The following NAA20 variants were observed in gnomAD, a reference collection of about 807,000 sequenced individuals.
NAA20 encodes N-alpha-acetyltransferase 20.
Under a neutral mutation model 23.8 loss-of-function variants are expected in NAA20, and 24 were observed. That is an observed-to-expected ratio of 1.01 (90% CI 0.73 to 1.42). The LOEUF is 1.42. NAA20 is among the 40% of genes most tolerant of loss of function. NAA20 has a pLI of 0.00. For missense variants in NAA20, 166 were observed against 223.1 expected (o/e 0.74, Z 1.63); for synonymous variants, 83 against 77.7 (o/e 1.07, Z -0.36).
At chr20:20,021,995 A>G (rs2043271573) in intron 1 of NAA20, among the ~76,000 whole-genome samples, 1 of 152,120 alleles carries the variant, frequency 6.6e-6, no homozygotes, top group Non-Finnish European at 1.5e-5. Context: ...GTGGGGAGCA[A>G]AAACCGAGTG....
intron 1 of NAA20, chr20:20,017,872 G>C: frequency 6.3e-7 from 1 of 1,577,660 alleles, no homozygotes; most frequent in Non-Finnish European, 8.6e-7. Flanking sequence ...CTGGGCAGAG[G>C]GCACCGCCGA....
At chr20:20,022,555 A>C in intron 2 of NAA20, 75 bp downstream of exon 2, 1 of 1,307,002 alleles carries the variant, frequency 7.7e-7, no homozygotes, top group Admixed American at 2.4e-5. Context: ...TGAAAGGAAA[A>C]CAGAGGAGTA....
rs11087300 is a variant in NAA20 at position 20,021,038 on chromosome 20, CGGGGG to C, written c.54-1408_54-1404del. Among the ~76,000 whole-genome samples the C allele has an allele frequency of 2.1e-3, 122 of 58,914 alleles. 4 individuals are homozygous for C. The highest frequency in any genetic ancestry group is 9.6e-4 in the Admixed American group (5 of 5,212). The allele number at this position is 58,914 out of a possible 152,430, so 38.6% of individuals were successfully genotyped here. On this transcript the variant is annotated intron_variant, in intron 1 of 5. Coordinates refer to ENST00000334982, the MANE Select transcript of NAA20 (RefSeq NM_016100.5). ...TGCCTGTGTGCGTGGGTTCGGTGGG[CGGGGG>C]GGGGGGGGGACTTTGGCAAAGACTT... is the stretch of plus-strand genomic sequence containing the variant.
At chr20:20,027,129 C>T (rs532711154) in intron 4 of NAA20, among the ~76,000 whole-genome samples, 3 of 151,464 alleles carry the variant, frequency 2.0e-5, no homozygotes, top group South Asian at 2.1e-4. Context: ...TGTAGTGACC[C>T]GCTATAGGCC....
Position 20,033,529 on chromosome 20 carries a change from T to C in NAA20, c.*342T>C, listed in dbSNP as rs2043364228. 5.3e-6 allele frequency: 1 copy of C among 188,194 alleles called. No individual in the cohort carries two copies. The highest frequency in any genetic ancestry group is 2.3e-5 in the African/African-American group (1 of 42,778). 11.7% of individuals were successfully genotyped at this position (188,194 alleles called of 1,614,324 possible). A position where few individuals can be genotyped will look rare whatever the true frequency, so the allele number is the denominator to read the frequency against. On this transcript the variant is annotated 3_prime_UTR_variant, in exon 6 of 6. Coordinates refer to ENST00000334982, the MANE Select transcript of NAA20 (RefSeq NM_016100.5). ...TGTGCCTGAGAACCACTGCTGCATA[T>C]ATTTGTTTTTAAATTTTGTATTGAA...
At chr20:20,017,669 C>A in intron 1 of NAA20, 2 of 1,395,006 alleles carry the variant, frequency 1.4e-6, no homozygotes, top group Non-Finnish European at 1.9e-6. Context: ...GCGACCTTGG[C>A]CGAGGTGCTC....
Position 20,033,293 on chromosome 20 carries a change from T to G in NAA20, c.*106T>G. On this transcript the variant is annotated 3_prime_UTR_variant, in exon 6 of 6. Coordinates refer to ENST00000334982, the MANE Select transcript of NAA20 (RefSeq NM_016100.5). The stretch of plus-strand genomic sequence containing the variant: ...TTAGGAGAAAAGTAATCATTTTAGG[T>G]CTTAAAGACTTCAAGAAAATACAGG... 1 of 861,522 alleles carries G rather than the reference T, an allele frequency of 1.2e-6. No homozygotes were observed. The highest frequency in any genetic ancestry group is 1.8e-6 in the Non-Finnish European group (1 of 552,964). The allele number at this position is 861,522 out of a possible 1,614,324, so 53.4% of individuals were successfully genotyped here.
rs74629012 is a variant in NAA20, at chr20:20,032,277, G to T, written c.306-231G>T. On this transcript the variant is annotated intron_variant, in intron 4 of 5. Coordinates refer to ENST00000334982, the MANE Select transcript of NAA20 (RefSeq NM_016100.5). ...TCTTTTAAGAAAACGTGTTGCTTTT[G>T]AAATACTAGCATGCAAACATAAAGT... Among the ~76,000 whole-genome samples, 3,410 of 151,408 alleles carry T rather than the reference G, an allele frequency of 0.023. 216 individuals carry two copies. Among genetic ancestry groups the T allele is most frequent in the African/African-American group, 0.078 (3,188 of 41,030 alleles).
At chr20:20,024,375 G>A (rs552793392) in intron 2 of NAA20, among the ~76,000 whole-genome samples, 32 of 152,154 alleles carry the variant, frequency 2.1e-4, no homozygotes, top group Non-Finnish European at 4.3e-4. Context: ...CTATACAGCA[G>A]TAAAAATTAA....
intron 4 of NAA20, among the ~76,000 whole-genome samples, chr20:20,028,331 C>T (rs998346206): frequency 6.6e-6 from 1 of 151,926 alleles, no homozygotes; most frequent in African/African-American, 2.4e-5. Context: ...CACACCAGGG[C>T]CTGTCGGGGG....
At position 20,018,302 on chromosome 20, in the gene NAA20, C is replaced by T. The variant is rs532302776; in HGVS notation, c.53+853C>T. ...CCATGTGCTTTTATAGACACTTTTCCTGGATTCTGCAGTTAACATTTTGCT... is the reference window on the plus strand; with the variant it reads ...CCATGTGCTTTTATAGACACTTTTCTTGGATTCTGCAGTTAACATTTTGCT... On this transcript the variant is annotated intron_variant, in intron 1 of 5. Coordinates refer to ENST00000334982, the MANE Select transcript of NAA20 (RefSeq NM_016100.5). 4 of 552,054 alleles carry T rather than the reference C, an allele frequency of 7.2e-6. No homozygotes were observed. The South Asian group carries it at 8.9e-5, about 12-fold the overall frequency. The allele number at this position is 552,054 out of a possible 1,614,324, so 34.2% of individuals were successfully genotyped here.
chr20:20,017,469 G>A lies in NAA20; in HGVS notation c.53+20G>A, dbSNP rs1234913250. ...CAACATGTGAGTGACACGCGCCTAG[G>A]GCCAGCCGCTCTTGGCCGGGCCTCG... On this transcript the variant is annotated intron_variant, in intron 1 of 5. Coordinates refer to ENST00000334982, the MANE Select transcript of NAA20 (RefSeq NM_016100.5). The A allele has an allele frequency of 6.2e-7, 1 of 1,600,696 alleles. No homozygotes were observed. The highest frequency in any genetic ancestry group is 1.4e-5 in the African/African-American group (1 of 73,370).
rs946761972 is a variant in NAA20, at chr20:20,029,530, T to C, written c.305+2611T>C. Among the ~76,000 whole-genome samples, 6 of 151,302 alleles carry C rather than the reference T, an allele frequency of 4.0e-5. No homozygotes were observed. In the South Asian group the frequency reaches 8.4e-4, roughly 21 times the overall value. On this transcript the variant is annotated intron_variant, in intron 4 of 5. Coordinates refer to ENST00000334982, the MANE Select transcript of NAA20 (RefSeq NM_016100.5). ...TACTCGGGAGGCTGAGGCAGGAGAA[T>C]TGCTTGAACCTGGGAGGCGAAGATT... is the stretch of plus-strand genomic sequence containing the variant.
intron 3 of NAA20, among the ~76,000 whole-genome samples, chr20:20,026,375 C>T (rs551217016): frequency 2.6e-5 from 4 of 152,096 alleles, no homozygotes; most frequent in African/African-American, 9.6e-5. Flanking sequence ...GTACATAATG[C>T]AGGCATCATA....
At chr20:20,022,348 A>C in intron 1 of NAA20, 108 bp from the exon 2 acceptor site, 2 of 1,136,316 alleles carry the variant, frequency 1.8e-6, no homozygotes, top group Non-Finnish European at 2.5e-6. Context: ...TTGTTGATGA[A>C]ACATGTTTTG....
intron 2 of NAA20, 197 bp downstream of exon 2, chr20:20,022,677 A>T (rs75247627): frequency 2.0e-6 from 1 of 500,700 alleles, no homozygotes; most frequent in East Asian, 3.5e-5. Flanking sequence ...ACAAACTGTT[A>T]ATATCATGAC....
intron 3 of NAA20, among the ~76,000 whole-genome samples, chr20:20,026,304 CAA>C (rs931325286): frequency 1.1e-4 from 13 of 120,716 alleles, no homozygotes; most frequent in Admixed American, 2.5e-4. Context: ...GACTCTGTCT[CAA>C]AAAAAAAAAA....
intron 1 of NAA20, chr20:20,018,377 A>T (rs1272773423): frequency 6.1e-6 from 2 of 330,042 alleles, no homozygotes; most frequent in Admixed American, 4.1e-5. Flanking sequence ...GATCCACTTT[A>T]AAAAAACAAC....
intron 1 of NAA20, among the ~76,000 whole-genome samples, chr20:20,019,193 G>A (rs1319990212): frequency 6.6e-6 from 1 of 152,216 alleles, no homozygotes; most frequent in Non-Finnish European, 1.5e-5. Context: ...GAGAAATGAT[G>A]AAGCCAGTGT....
Sources: gnomAD v4.1 joint callset for allele counts (sites outside exome capture counted in the v4.1 genomes callset) on GRCh38, gnomAD v4.1.1 for gene constraint, MANE v1.5 for transcripts, NCBI Gene and HGNC (gene_info 2026-07-23, HGNC 2026-07-21) for gene names.